Variants in TRIM38 observed in about 807,000 individuals in gnomAD.
TRIM38 encodes the protein E3 ubiquitin-protein ligase TRIM38.
In TRIM38, 35 loss-of-function variants were observed where a neutral mutation model predicts 35.8. The observed-to-expected ratio is 0.98, with a 90% CI of 0.75 to 1.30. TRIM38 has a LOEUF of 1.30. TRIM38 is among the 50% of genes most tolerant of loss of function. The pLI is 0.00. For synonymous variants in TRIM38, 198 were observed against 204.7 expected, an observed-to-expected ratio of 0.97 and a Z score of 0.28; for missense variants, 545 against 556.9, an observed-to-expected ratio of 0.98 and a Z score of 0.21.
chr6:25,971,921 A>G lies in TRIM38; in HGVS notation c.560A>G (p.Gln187Arg). Reference protein sequence around the residue: ...QKIRSDFKNLQCFLHEEEKSY... With the variant: ...QKIRSDFKNLRCFLHEEEKSY... Reference sequence around the variant, plus strand: ...ATCCGGTCTGACTTTAAGAATCTCCAGTGTTTCCTACATGAGGAAGAGAAG... The same window carrying G: ...ATCCGGTCTGACTTTAAGAATCTCCGGTGTTTCCTACATGAGGAAGAGAAG... Residue 187 changes from glutamine (Q) to arginine (R), a missense_variant, in exon 5 of 8, where the codon CAG becomes CGG. Gln to Arg is a conservative substitution (Grantham distance 43, BLOSUM62 1). Transcript: ENST00000357085. 1.2e-6 allele frequency: 2 copies of G among 1,614,202 alleles called. No individual in the cohort carries two copies. The highest frequency in any genetic ancestry group is 1.1e-5 in the South Asian group (1 of 91,090).
chr6:25,982,039 G>C (rs1263181604), intron 7 of TRIM38, among the ~76,000 whole-genome samples: 1 of 152,112 alleles, frequency 6.6e-6, no homozygotes, highest in Non-Finnish European at 1.5e-5. Flanking sequence ...AGATGTCCGG[G>C]GTCCAGGGTC....
chr6:25,981,159 A>G (rs918697010), intron 7 of TRIM38, among the ~76,000 whole-genome samples: 1 of 152,308 alleles, frequency 6.6e-6, no homozygotes, highest in Admixed American at 6.5e-5. Context: ...ACTATACTAG[A>G]GTGTGCCCAG....
At chr6:25,974,838 C>G in intron 7 of TRIM38, 1 of 948,016 alleles carries the variant, frequency 1.1e-6, no homozygotes, top group Non-Finnish European at 1.3e-6. Context: ...ACCTGTGTTC[C>G]CCTCAAATAC....
rs1450899119 is a variant in TRIM38 at position 25,987,264 on chromosome 6, T to C, written c.*3577T>C. 1 of 140,200 alleles carries C rather than the reference T, an allele frequency of 7.1e-6. No homozygotes were observed. Among genetic ancestry groups the C allele is most frequent in the Non-Finnish European group, 1.5e-5 (1 of 66,218 alleles). 8.7% of individuals were successfully genotyped at this position (140,200 alleles called of 1,614,324 possible). A position where few individuals can be genotyped will look rare whatever the true frequency, so the allele number is the denominator to read the frequency against. On this transcript the variant is annotated 3_prime_UTR_variant, in exon 8 of 8. Transcript: ENST00000357085. ...AAATTTCTAATCCAATTAACAGTCT[T>C]AGGTTGGGCTGCTGAAACAAAATAC... is the stretch of plus-strand genomic sequence containing the variant.
At chr6:25,977,127 A>T (rs564691624) in intron 7 of TRIM38, among the ~76,000 whole-genome samples, 1 of 152,334 alleles carries the variant, frequency 6.6e-6, no homozygotes, top group African/African-American at 2.4e-5. Flanking sequence ...TTTGATAAAT[A>T]GGGTTTCAAA....
At chr6:25,978,574 C>T (rs914485785) in intron 7 of TRIM38, among the ~76,000 whole-genome samples, 3 of 151,586 alleles carry the variant, frequency 2.0e-5, no homozygotes, top group Non-Finnish European at 2.9e-5. Flanking sequence ...TACAGTGGTG[C>T]GATCATGGCT....
chr6:25,968,009 G>A (rs1205817723), intron 3 of TRIM38, among the ~76,000 whole-genome samples: 1 of 152,156 alleles, frequency 6.6e-6, no homozygotes, highest in Non-Finnish European at 1.5e-5. Context: ...CAGATTTCTT[G>A]CCAGAAAGCA....
chr6:25,970,976 T>C (rs766991702), intron 4 of TRIM38, among the ~76,000 whole-genome samples: 28 of 152,152 alleles, frequency 1.8e-4, no homozygotes, highest in Non-Finnish European at 3.2e-4. Flanking sequence ...AGTAGAACAG[T>C]ATTTCTCAGT....
intron 7 of TRIM38, among the ~76,000 whole-genome samples, chr6:25,982,721 A>C (rs1420436145): frequency 6.6e-6 from 1 of 152,238 alleles, no homozygotes; most frequent in East Asian, 1.9e-4. Context: ...TCAGAAAGTT[A>C]AATGATTTGC....
Position 25,990,008 on chromosome 6 carries a change from C to CTTTTTTTT in TRIM38, c.*6327_*6334dup, listed in dbSNP as rs56248041. 5 of 143,518 alleles carry CTTTTTTTT rather than the reference C, an allele frequency of 3.5e-5. No homozygotes were observed. The highest frequency in any genetic ancestry group is 1.4e-4 in the Admixed American group (2 of 14,516). The allele number at this position is 143,518 out of a possible 1,614,324, so 8.9% of individuals were successfully genotyped here. A position where few individuals can be genotyped will look rare whatever the true frequency, so the allele number is the denominator to read the frequency against. On this transcript the variant is annotated 3_prime_UTR_variant, in exon 8 of 8. Transcript: ENST00000357085. Reference sequence around the variant, plus strand: ...TTTCAATATTGTCTACTTTATCATCCTTTTTTTTTTTTTCTTTCTTCCTTT... The same window carrying CTTTTTTTT: ...TTTCAATATTGTCTACTTTATCATCCTTTTTTTTTTTTTTTTTTTTTCTTTCTTCCTTT...
At chr6:25,963,380 TG>T (rs1341308601) in intron 2 of TRIM38, 98 bp downstream of exon 2, 10 of 2,120 alleles carry the variant, frequency 4.7e-3, no homozygotes, top group African/African-American at 0.021. Context: ...AGTAGGGGTG[TG>T]GGGGCGGGCG....
At chr6:25,964,765 T>G (rs1311098152) in intron 2 of TRIM38, among the ~76,000 whole-genome samples, 3 of 152,080 alleles carry the variant, frequency 2.0e-5, no homozygotes, top group Admixed American at 1.3e-4. Flanking sequence ...ATCACCCAAT[T>G]GCATAAGTGT....
intron 7 of TRIM38, chr6:25,973,847 T>G: frequency 1.0e-6 from 1 of 985,446 alleles, no homozygotes; most frequent in Non-Finnish European, 1.2e-6. Flanking sequence ...AACCATTTAC[T>G]GAGTTTCCTG....
intron 7 of TRIM38, among the ~76,000 whole-genome samples, chr6:25,979,249 T>A (rs999140926): frequency 5.3e-5 from 8 of 152,082 alleles, no homozygotes; most frequent in African/African-American, 1.9e-4. Flanking sequence ...GAGCCATAAT[T>A]TTCTATTCTT....
chr6:25,967,014 C>T (rs1760081407), intron 3 of TRIM38, 81 bp downstream of exon 3: 1 of 1,403,954 alleles, frequency 7.1e-7, no homozygotes, highest in Non-Finnish European at 9.6e-7. Flanking sequence ...TAACTTGAAA[C>T]CTAACATTAT....
rs2113630614 is a variant in TRIM38, at chr6:25,986,982, G to A, written c.*3295G>A. 6.6e-6 allele frequency: 1 copy of A among 152,264 alleles called. No individual in the cohort carries two copies. The allele number at this position is 152,264 out of a possible 1,614,324, so 9.4% of individuals were successfully genotyped here. On this transcript the variant is annotated 3_prime_UTR_variant, in exon 8 of 8. Transcript: ENST00000357085. The stretch of plus-strand genomic sequence containing the variant: ...CCTTTGGCTTGCCTTGCATTAGCCA[G>A]AATTTAGTACATGGCCACACTTAAG...
chr6:25,964,689 C>T (rs541534206), intron 2 of TRIM38, among the ~76,000 whole-genome samples: 1 of 152,240 alleles, frequency 6.6e-6, no homozygotes, highest in Non-Finnish European at 1.5e-5. Flanking sequence ...TCAAAATACT[C>T]ATTATACCAG....
chr6:25,970,215 C>G lies in TRIM38; in HGVS notation c.507+795C>G, dbSNP rs116700185. Among the ~76,000 whole-genome samples the G allele has an allele frequency of 5.8e-3, 880 of 152,260 alleles. 8 individuals are homozygous for G. The highest frequency in any genetic ancestry group is 0.02 in the African/African-American group (838 of 41,550). Reference sequence around the variant, plus strand: ...ACAGGCGTGAGCCACTGCACCCGGCCTATACTTGATTTATAAGTACATCAC... The same window carrying G: ...ACAGGCGTGAGCCACTGCACCCGGCGTATACTTGATTTATAAGTACATCAC... On this transcript the variant is annotated intron_variant, in intron 4 of 7. Coordinates refer to ENST00000357085, the MANE Select transcript of TRIM38 (RefSeq NM_006355.5).
At chr6:25,978,675 A>T (rs1760464991) in intron 7 of TRIM38, among the ~76,000 whole-genome samples, 1 of 149,934 alleles carries the variant, frequency 6.7e-6, no homozygotes. Context: ...TAATTTTTTA[A>T]TTTTTTTTTG....
Sources: gnomAD v4.1 joint callset for allele counts (sites outside exome capture counted in the v4.1 genomes callset) on GRCh38, gnomAD v4.1.1 for gene constraint, MANE v1.5 for transcripts, NCBI Gene and HGNC (gene_info 2026-07-23, HGNC 2026-07-21) for gene names.